Variants in SIL1 observed in about 807,000 individuals in gnomAD.
SIL1 encodes nucleotide exchange factor SIL1.
In SIL1, 40 loss-of-function variants were observed where a neutral mutation model predicts 49.1. That is an observed-to-expected ratio of 0.81 (90% CI 0.63 to 1.06). The LOEUF is 1.06. Among genes scored for constraint, SIL1 ranks in the 50% least tolerant of loss-of-function variants. The probability of loss-of-function intolerance (pLI) is 0.00; values close to 1 mark genes in which losing one functional copy is unlikely to be tolerated. For missense variants in SIL1, 500 were observed against 572.6 expected, an observed-to-expected ratio of 0.87 and a Z score of 1.29; for synonymous variants, 253 against 250.8, an observed-to-expected ratio of 1.01 and a Z score of -0.08.
At chr5:139,048,479 G>A (rs1769218819) in intron 4 of SIL1, among the ~76,000 whole-genome samples, 2 of 146,962 alleles carry the variant, frequency 1.4e-5, no homozygotes, top group African/African-American at 5.0e-5. Flanking sequence ...AGGCTCAAGT[G>A]ATCCTCCCAA....
chr5:139,187,213 C>G (rs897053415), intron 1 of SIL1, among the ~76,000 whole-genome samples: 2 of 152,144 alleles, frequency 1.3e-5, no homozygotes, highest in African/African-American at 2.4e-5. Flanking sequence ...AAGGCGGCAG[C>G]TCTGCAGCAT....
chr5:139,021,392 G>T, intron 6 of SIL1, 100 bp from the exon 7 acceptor site: 1 of 1,533,248 alleles, frequency 6.5e-7, no homozygotes, highest in Non-Finnish European at 8.9e-7. Context: ...AAATTAAAAA[G>T]CCATGGAAAA....
chr5:138,988,623 C>T (rs1412225516), intron 7 of SIL1, among the ~76,000 whole-genome samples: 4 of 152,156 alleles, frequency 2.6e-5, no homozygotes, highest in African/African-American at 4.8e-5. Flanking sequence ...AAACTATCTC[C>T]TAAGAAGCTC....
chr5:138,946,925 A>G lies in SIL1; in HGVS notation c.*192T>C. On this transcript the variant is annotated 3_prime_UTR_variant, in exon 10 of 10. Transcript: ENST00000394817. ...CGTCAGCAGAGCCCATCACCCAACC[A>G]CTCACCTGACCCCCCGGCCACAGGG... 2 of 626,622 alleles carry G rather than the reference A, an allele frequency of 3.2e-6. No individual in the cohort carries two copies. The highest frequency in any genetic ancestry group is 5.8e-6 in the Non-Finnish European group (2 of 344,644). The allele number at this position is 626,622 out of a possible 1,614,324, so 38.8% of individuals were successfully genotyped here.
intron 3 of SIL1, among the ~76,000 whole-genome samples, chr5:139,095,265 CTTTT>C (rs1172866470): frequency 2.3e-5 from 3 of 131,816 alleles, no homozygotes; most frequent in Admixed American, 7.6e-5. Flanking sequence ...TATTGGAATT[CTTTT>C]TTTTTTTTTT....
intron 7 of SIL1, among the ~76,000 whole-genome samples, chr5:138,968,874 G>T (rs901523955): frequency 1.3e-5 from 2 of 152,090 alleles, no homozygotes; most frequent in South Asian, 4.1e-4. Context: ...TGAGCACCTT[G>T]CCCATTCCAA....
chr5:139,106,138 G>A (rs1382570917), intron 3 of SIL1, among the ~76,000 whole-genome samples: 1 of 152,084 alleles, frequency 6.6e-6, no homozygotes, highest in African/African-American at 2.4e-5. Flanking sequence ...CCTGAGCAAA[G>A]GTATAGCAAA....
At chr5:139,160,172 C>CAA (rs1751483503) in intron 1 of SIL1, among the ~76,000 whole-genome samples, 1 of 151,564 alleles carries the variant, frequency 6.6e-6, no homozygotes, top group Non-Finnish European at 1.5e-5. Flanking sequence ...CACACACACA[C>CAA]ACACACACAC....
At chr5:138,954,973 G>C (rs959635920) in intron 7 of SIL1, among the ~76,000 whole-genome samples, 1 of 152,242 alleles carries the variant, frequency 6.6e-6, no homozygotes, top group Admixed American at 6.5e-5. Flanking sequence ...ACTACACAAA[G>C]AGGCCAGACC....
intron 3 of SIL1, among the ~76,000 whole-genome samples, chr5:139,091,905 T>C (rs920297482): frequency 2.0e-5 from 3 of 152,262 alleles, no homozygotes; most frequent in South Asian, 2.1e-4. Flanking sequence ...TAATTTGCAA[T>C]ACAGCCCTGC....
At chr5:139,165,625 C>G (rs1160191248) in intron 1 of SIL1, among the ~76,000 whole-genome samples, 1 of 151,980 alleles carries the variant, frequency 6.6e-6, no homozygotes, top group South Asian at 2.1e-4. Context: ...GCTGGGATTA[C>G]AGGCCAAACC....
chr5:139,013,903 T>G (rs919857315), intron 7 of SIL1: 6 of 152,210 alleles, frequency 3.9e-5, no homozygotes, highest in African/African-American at 1.2e-4. Flanking sequence ...TTGGTGGCTT[T>G]CTTTCTCCCA....
At chr5:138,956,612 A>G (rs996821267) in intron 7 of SIL1, among the ~76,000 whole-genome samples, 7 of 152,030 alleles carry the variant, frequency 4.6e-5, no homozygotes, top group Admixed American at 1.3e-4. Context: ...GTGTGGTGTC[A>G]GGCACCTGTA....
At chr5:139,119,940 C>T (rs934683820) in intron 3 of SIL1, among the ~76,000 whole-genome samples, 6 of 152,216 alleles carry the variant, frequency 3.9e-5, no homozygotes, top group Admixed American at 6.5e-5. Flanking sequence ...GTTGGATCTG[C>T]TGAACCCAGT....
chr5:139,188,204 G>A (rs1561895348), intron 1 of SIL1: 1 of 152,176 alleles, frequency 6.6e-6, no homozygotes, highest in Non-Finnish European at 1.5e-5. Context: ...GACCCAAAGT[G>A]GCAGTGGTAT....
At chr5:139,195,098 A>G (rs978056439) in intron 1 of SIL1, among the ~76,000 whole-genome samples, 7 of 151,664 alleles carry the variant, frequency 4.6e-5, no homozygotes, top group Admixed American at 1.3e-4. Context: ...ACGCCCGGCT[A>G]ATTTTGCATT....
intron 3 of SIL1, among the ~76,000 whole-genome samples, chr5:139,113,403 C>T (rs930483408): frequency 1.3e-5 from 2 of 152,108 alleles, no homozygotes; most frequent in Admixed American, 6.5e-5. Context: ...CTCTCCCTCA[C>T]TGGCCCCCAC....
chr5:138,964,744 G>C (rs74399191), intron 7 of SIL1, among the ~76,000 whole-genome samples: 7 of 152,192 alleles, frequency 4.6e-5, no homozygotes, highest in Admixed American at 3.9e-4. Flanking sequence ...AAGGCTTGAC[G>C]ATTTAGTGCT....
At chr5:139,058,480 G>C (rs910670249) in intron 3 of SIL1, among the ~76,000 whole-genome samples, 3 of 152,152 alleles carry the variant, frequency 2.0e-5, no homozygotes, top group Admixed American at 6.5e-5. Context: ...ATCATCTAAT[G>C]GGAATTTGCT....
Sources: allele counts gnomAD v4.1 joint callset (sites outside exome capture counted in the v4.1 genomes callset), GRCh38; gene constraint gnomAD v4.1.1; transcripts MANE v1.5; gene names NCBI Gene and HGNC (gene_info 2026-07-23, HGNC 2026-07-21).